Variants in TMEM163 observed in about 807,000 individuals in gnomAD.
The protein encoded by TMEM163 is transmembrane protein 163.
A neutral mutation model predicts 29.3 loss-of-function variants in TMEM163; 17 were observed. That is an observed-to-expected ratio of 0.58 (90% confidence interval 0.40 to 0.87). TMEM163 has a LOEUF of 0.87. TMEM163 is among the 40% of genes least tolerant of loss of function. TMEM163 has a pLI of 0.00. For missense variants in TMEM163, 303 were observed against 381.5 expected, an observed-to-expected ratio of 0.79 and a Z score of 1.71; for synonymous variants, 157 against 160.6, an observed-to-expected ratio of 0.98 and a Z score of 0.17.
intron 2 of TMEM163, among the ~76,000 whole-genome samples, chr2:134,623,416 A>C (rs890271988): frequency 1.3e-5 from 2 of 152,208 alleles, no homozygotes; most frequent in Non-Finnish European, 2.9e-5. Flanking sequence ...ATGCTAGAAT[A>C]TTAGACACGG....
At chr2:134,656,650 C>G (rs1448336584) in intron 2 of TMEM163, among the ~76,000 whole-genome samples, 1 of 152,228 alleles carries the variant, frequency 6.6e-6, no homozygotes, top group Non-Finnish European at 1.5e-5. Context: ...AGTGGTGAGA[C>G]TAGACATCCT....
chr2:134,526,457 G>T (rs479297), intron 4 of TMEM163, among the ~76,000 whole-genome samples: 1 of 151,978 alleles, frequency 6.6e-6, no homozygotes, highest in Non-Finnish European at 1.5e-5. Flanking sequence ...ATAAATCGGA[G>T]AAGGTTTCAC....
chr2:134,683,804 G>A (rs1005210667), intron 2 of TMEM163, among the ~76,000 whole-genome samples: 1 of 152,186 alleles, frequency 6.6e-6, no homozygotes, highest in South Asian at 2.1e-4. Flanking sequence ...ATAGCAACTA[G>A]AGTGACTCAT....
chr2:134,718,446 C>T (rs1399416935), intron 1 of TMEM163, among the ~76,000 whole-genome samples: 1 of 152,238 alleles, frequency 6.6e-6, no homozygotes, highest in Non-Finnish European at 1.5e-5. Context: ...TTCCCGTGGG[C>T]GCCGGAGGGC....
chr2:134,594,985 CA>C (rs1023079050), intron 2 of TMEM163, among the ~76,000 whole-genome samples: 1 of 151,078 alleles, frequency 6.6e-6, no homozygotes, highest in Non-Finnish European at 1.5e-5. Context: ...AAAACAACAA[CA>C]AAAAAAGATG....
chr2:134,587,247 C>A (rs1160931865), intron 2 of TMEM163, among the ~76,000 whole-genome samples: 1 of 152,088 alleles, frequency 6.6e-6, no homozygotes, highest in African/African-American at 2.4e-5. Context: ...CCCGCTTCTA[C>A]TAAAAATACA....
rs1159013721 is a variant in TMEM163 at position 134,493,362 on chromosome 2, C to CTTTTTTTTTTTTT, written c.555+9526_555+9538dup. On this transcript the variant is annotated intron_variant, in intron 5 of 7. Coordinates refer to ENST00000281924, the MANE Select transcript of TMEM163 (RefSeq NM_030923.5). ...GACTTATGGTTCAAGCTTTTGGTGT[C>CTTTTTTTTTTTTT]TTTTTTTTTTTTTTTTTTTTTTTTT... 3.4e-4 allele frequency among the ~76,000 whole-genome samples: 17 copies of CTTTTTTTTTTTTT among 49,850 alleles called. 4 individuals are homozygous for CTTTTTTTTTTTTT. Among genetic ancestry groups the CTTTTTTTTTTTTT allele is most frequent in the South Asian group, 2.4e-3 (2 of 840 alleles). The allele number at this position is 49,850 out of a possible 152,430, so 32.7% of individuals were successfully genotyped here.
At chr2:134,556,684 G>A (rs1681056036) in intron 2 of TMEM163, among the ~76,000 whole-genome samples, 2 of 152,120 alleles carry the variant, frequency 1.3e-5, no homozygotes, top group South Asian at 4.1e-4. Context: ...AGCTGAGCGT[G>A]GTAGCAGACA....
intron 2 of TMEM163, among the ~76,000 whole-genome samples, chr2:134,697,587 CCCAAGTAGCTGGGATTACA>C (rs1173673212): frequency 6.6e-6 from 1 of 151,812 alleles, no homozygotes; most frequent in Non-Finnish European, 1.5e-5. Context: ...GCCTCAGCCT[CCCAAGTAGCTGGGATTACA>C]GGTGCCTGCC....
rs201436466 is a variant in TMEM163 at position 134,661,925 on chromosome 2, C to CTTTTTTTTTTTTTTT, written c.322+51274_322+51275insAAAAAAAAAAAAAAA. Among the ~76,000 whole-genome samples, 25 of 79,066 alleles carry CTTTTTTTTTTTTTTT rather than the reference C, an allele frequency of 3.2e-4. 2 individuals carry two copies. Among genetic ancestry groups the CTTTTTTTTTTTTTTT allele is most frequent in the African/African-American group, 4.1e-4 (7 of 16,966 alleles). The allele number at this position is 79,066 out of a possible 152,430, so 51.9% of individuals were successfully genotyped here. A position where few individuals can be genotyped will look rare whatever the true frequency, so the allele number is the denominator to read the frequency against. On this transcript the variant is annotated intron_variant, in intron 2 of 7. Transcript: ENST00000281924. Reference sequence around the variant, plus strand: ...AAGTTTTCATGGATTCATTAATTTTCTTTCTTTTTTTTTTTTTTTTTTTTG... The same window carrying CTTTTTTTTTTTTTTT: ...AAGTTTTCATGGATTCATTAATTTTCTTTTTTTTTTTTTTTTTTCTTTTTTTTTTTTTTTTTTTTG...
intron 4 of TMEM163, among the ~76,000 whole-genome samples, chr2:134,534,644 C>T (rs942533387): frequency 6.6e-6 from 1 of 152,054 alleles, no homozygotes; most frequent in Non-Finnish European, 1.5e-5. Context: ...ATCCCAGCTG[C>T]TTGGGAGGCT....
chr2:134,585,414 G>A (rs1327932663), intron 2 of TMEM163, among the ~76,000 whole-genome samples: 1 of 152,272 alleles, frequency 6.6e-6, no homozygotes, highest in African/African-American at 2.4e-5. Flanking sequence ...CCTCTTAGAG[G>A]GTTGTTGTGA....
chr2:134,467,825 A>G (rs1040234203), intron 5 of TMEM163: 1 of 152,226 alleles, frequency 6.6e-6, no homozygotes, highest in African/African-American at 2.4e-5. Flanking sequence ...GTCAGGCTGG[A>G]TGGAGGGGAT....
At chr2:134,671,945 C>A (rs1368188961) in intron 2 of TMEM163, among the ~76,000 whole-genome samples, 1 of 152,186 alleles carries the variant, frequency 6.6e-6, no homozygotes, top group East Asian at 1.9e-4. Flanking sequence ...ATGTAAAGTG[C>A]TCAGAGCCTA....
At chr2:134,577,371 C>T (rs531453007) in intron 2 of TMEM163, among the ~76,000 whole-genome samples, 50 of 152,236 alleles carry the variant, frequency 3.3e-4, no homozygotes, top group African/African-American at 6.5e-4. Flanking sequence ...TCCCTTTAGA[C>T]GGCGAAAATG....
chr2:134,605,576 T>C (rs1012297884), intron 2 of TMEM163, among the ~76,000 whole-genome samples: 3 of 152,088 alleles, frequency 2.0e-5, no homozygotes, highest in Admixed American at 6.5e-5. Context: ...CAGGCGCCTG[T>C]AATCCCAGCT....
chr2:134,646,658 T>G (rs1290283115), intron 2 of TMEM163, among the ~76,000 whole-genome samples: 1 of 151,902 alleles, frequency 6.6e-6, no homozygotes, highest in African/African-American at 2.4e-5. Context: ...TTGGCCAGGT[T>G]GATCTCGAAC....
chr2:134,718,960 G>T lies in TMEM163; in HGVS notation c.-25C>A. 1 of 1,033,476 alleles carries T rather than the reference G, an allele frequency of 9.7e-7. No individual in the cohort carries two copies. The highest frequency in any genetic ancestry group is 1.2e-6 in the Non-Finnish European group (1 of 862,894). 64.0% of individuals were successfully genotyped at this position (1,033,476 alleles called of 1,614,324 possible). A position where few individuals can be genotyped will look rare whatever the true frequency, so the allele number is the denominator to read the frequency against. On this transcript the variant is annotated 5_prime_UTR_variant, in exon 1 of 8. Coordinates refer to ENST00000281924, the MANE Select transcript of TMEM163 (RefSeq NM_030923.5). ...TGGCGCGGGGCTGCGGATCCCGGCG[G>T]CGGCGACGACAAGCGCGGCGGGGAC...
intron 3 of TMEM163, 132 bp downstream of exon 3, chr2:134,551,916 G>A (rs1680939333): frequency 4.4e-6 from 3 of 676,162 alleles, no homozygotes; most frequent in Admixed American, 3.1e-5. Flanking sequence ...ATAGAAGTGG[G>A]TTTCCATAAA....
Sources: gnomAD v4.1 joint callset for allele counts (sites outside exome capture counted in the v4.1 genomes callset) on GRCh38, gnomAD v4.1.1 for gene constraint, MANE v1.5 for transcripts, NCBI Gene and HGNC (gene_info 2026-07-23, HGNC 2026-07-21) for gene names.